KHDRBS3: variants seen among roughly 807,000 people sequenced by gnomAD.
KHDRBS3 encodes the protein KH RNA binding domain containing, signal transduction associated 3, also known as KH domain-containing, RNA-binding, signal transduction-associated protein 3.
In KHDRBS3, 23 loss-of-function variants were observed where a neutral mutation model predicts 45.6. The observed-to-expected ratio is 0.50, with a 90% confidence interval of 0.36 to 0.72. The LOEUF (loss-of-function observed/expected upper bound fraction) is 0.72, where lower values mean the gene tolerates loss of function less well. KHDRBS3 is among the 30% of genes least tolerant of loss of function. KHDRBS3 has a pLI of 0.00. For missense variants in KHDRBS3, 352 were observed against 424.8 expected (o/e 0.83, Z 1.51); for synonymous variants, 162 against 156.5 (o/e 1.04, Z -0.26).
chr8:135,483,458 G>A (rs917256465), intron 1 of KHDRBS3, among the ~76,000 whole-genome samples: 1 of 152,206 alleles, frequency 6.6e-6, no homozygotes, highest in South Asian at 2.1e-4. Flanking sequence ...TGTTGTCATG[G>A]TGGCTATGGG....
chr8:135,486,541 T>C (rs1322429491), intron 1 of KHDRBS3, among the ~76,000 whole-genome samples: 1 of 152,210 alleles, frequency 6.6e-6, no homozygotes, highest in Non-Finnish European at 1.5e-5. Flanking sequence ...TTAGAGAGGT[T>C]AAATAACTTG....
chr8:135,624,537 T>C (rs1830277478), intron 7 of KHDRBS3, among the ~76,000 whole-genome samples: 1 of 152,228 alleles, frequency 6.6e-6, no homozygotes, highest in South Asian at 2.1e-4. Context: ...TCCTCTGTTA[T>C]ATCCAGGCAA....
chr8:135,598,718 G>C (rs768198054), intron 6 of KHDRBS3, among the ~76,000 whole-genome samples: 1 of 152,114 alleles, frequency 6.6e-6, no homozygotes, highest in Non-Finnish European at 1.5e-5. Flanking sequence ...CATCGACCCG[G>C]ATACTATTAC....
At position 135,487,092 on chromosome 8, in the gene KHDRBS3, A is replaced by G. The variant is rs546293047; in HGVS notation, c.88+29138A>G. On this transcript the variant is annotated intron_variant, in intron 1 of 8. Transcript: ENST00000355849. ...CAGCATTCTATATCTTTTAAATGTC[A>G]TATATTCATTGTCTAAGTATATTTG... 1.6e-4 allele frequency among the ~76,000 whole-genome samples: 24 copies of G among 152,248 alleles called. No individual in the cohort carries two copies. The South Asian group carries it at 4.6e-3, about 29-fold the overall frequency.
intron 1 of KHDRBS3, among the ~76,000 whole-genome samples, chr8:135,484,693 C>T (rs1442015090): frequency 2.0e-5 from 3 of 152,218 alleles, no homozygotes; most frequent in African/African-American, 7.2e-5. Flanking sequence ...CACAGCTCCT[C>T]CTATAAGCTG....
intron 5 of KHDRBS3, among the ~76,000 whole-genome samples, chr8:135,567,256 C>G (rs1156378049): frequency 6.6e-6 from 1 of 151,806 alleles, no homozygotes; most frequent in Non-Finnish European, 1.5e-5. Context: ...AAAACTTCAT[C>G]CTAGATACAG....
At chr8:135,562,696 G>A (rs367558487) in intron 5 of KHDRBS3, among the ~76,000 whole-genome samples, 2 of 152,158 alleles carry the variant, frequency 1.3e-5, no homozygotes, top group Admixed American at 6.5e-5. Flanking sequence ...AAAAACGTAC[G>A]TATTACAACA....
chr8:135,465,297 GTCTAACACATAGTAGGTGCT>G (rs1182928095), intron 1 of KHDRBS3, among the ~76,000 whole-genome samples: 1 of 152,160 alleles, frequency 6.6e-6, no homozygotes, highest in Non-Finnish European at 1.5e-5. Context: ...TAAGTACAGT[GTCTAACACATAGTAGGTGCT>G]TAATAAACGT....
At position 135,632,885 on chromosome 8, in the gene KHDRBS3, C is replaced by T. The variant is rs371349517; in HGVS notation, c.891-12174C>T. Among the ~76,000 whole-genome samples the T allele has an allele frequency of 5.9e-5, 9 of 152,252 alleles. No homozygotes were observed. In the East Asian group the frequency reaches 7.8e-4, roughly 13 times the overall value. Reference sequence around the variant, plus strand: ...AGAATGTGTCCCCTGAAGAACTTGACATTTGATGGTCCCTCTGCCCACAGT... The same window carrying T: ...AGAATGTGTCCCCTGAAGAACTTGATATTTGATGGTCCCTCTGCCCACAGT... On this transcript the variant is annotated intron_variant, in intron 7 of 8. Coordinates refer to ENST00000355849, the MANE Select transcript of KHDRBS3 (RefSeq NM_006558.3).
downstream of KHDRBS3, chr8:135,648,074 C>T (rs561552602): frequency 6.6e-6 from 1 of 152,238 alleles, no homozygotes; most frequent in South Asian, 2.1e-4. Flanking sequence ...AGGTCGCACT[C>T]GCCAAGGCTG....
At chr8:135,643,535 A>G (rs1831154197) in intron 7 of KHDRBS3, among the ~76,000 whole-genome samples, 1 of 152,224 alleles carries the variant, frequency 6.6e-6, no homozygotes, top group Non-Finnish European at 1.5e-5. Flanking sequence ...TTCTGGCAGA[A>G]AGAGTAGCAA....
Position 135,557,539 on chromosome 8 carries a change from G to T in KHDRBS3, c.563G>T (p.Gly188Val). Reference protein sequence around the residue: ...SENADVPVVRGKPTLRTRGVP... With the variant: ...SENADVPVVRVKPTLRTRGVP... ...AATGCAGATGTTCCAGTGGTTCGAGGGAAACCCACCTTGCGTACAAGAGGT... is the reference window on the plus strand; with the variant it reads ...AATGCAGATGTTCCAGTGGTTCGAGTGAAACCCACCTTGCGTACAAGAGGT... The change falls in exon 5 of 9, where the codon GGG becomes GTG. Residue 188 changes from glycine to valine, a missense_variant. This residue lies in a region of KHDRBS3 where 212 missense variants were observed against 209.6 expected (regional missense o/e 1.01). Coordinates refer to ENST00000355849, the MANE Select transcript of KHDRBS3 (RefSeq NM_006558.3). The T allele has an allele frequency of 6.2e-7, 1 of 1,613,020 alleles. No homozygotes were observed. Among genetic ancestry groups the T allele is most frequent in the Non-Finnish European group, 8.5e-7 (1 of 1,179,020 alleles).
intron 1 of KHDRBS3, among the ~76,000 whole-genome samples, chr8:135,460,069 A>G (rs1164953700): frequency 2.0e-5 from 3 of 152,200 alleles, no homozygotes; most frequent in Admixed American, 6.5e-5. Context: ...CATTAATTAC[A>G]CGCTTATGTA....
intron 6 of KHDRBS3, among the ~76,000 whole-genome samples, chr8:135,585,814 G>A (rs994055322): frequency 6.6e-6 from 1 of 152,154 alleles, no homozygotes; most frequent in African/African-American, 2.4e-5. Flanking sequence ...CACATTGTAA[G>A]CACTTAGTAA....
chr8:135,515,450 C>T (rs1298407068), intron 1 of KHDRBS3, among the ~76,000 whole-genome samples: 1 of 132,188 alleles, frequency 7.6e-6, no homozygotes, highest in African/African-American at 2.7e-5. Flanking sequence ...TTATTGTTGT[C>T]GTTGTTGATT....
intron 7 of KHDRBS3, among the ~76,000 whole-genome samples, chr8:135,621,702 CA>C (rs1241373417): frequency 8.8e-5 from 6 of 67,852 alleles, no homozygotes; most frequent in African/African-American, 2.2e-4. Context: ...TGCAGAAGAG[CA>C]CAAAAAAAAA....
chr8:135,555,373 A>ATT (rs113293183), intron 4 of KHDRBS3, among the ~76,000 whole-genome samples: 1,480 of 141,052 alleles, frequency 0.01, 23 homozygotes, highest in African/African-American at 0.034. Context: ...AAACATTGAG[A>ATT]TTTTTTTTTT....
At chr8:135,569,170 A>G (rs1827573520) in intron 5 of KHDRBS3, among the ~76,000 whole-genome samples, 1 of 152,156 alleles carries the variant, frequency 6.6e-6, no homozygotes, top group Non-Finnish European at 1.5e-5. Flanking sequence ...GAATAGCAGA[A>G]TATTTTAGGA....
intron 1 of KHDRBS3, among the ~76,000 whole-genome samples, chr8:135,486,380 A>G (rs529664614): frequency 6.6e-6 from 1 of 152,314 alleles, no homozygotes; most frequent in East Asian, 1.9e-4. Context: ...TTTGTCTACA[A>G]GTAGTAGTAC....
Sources: allele counts gnomAD v4.1 joint callset (sites outside exome capture counted in the v4.1 genomes callset), GRCh38; gene constraint gnomAD v4.1.1; regional missense constraint gnomAD v4.1.1; transcripts MANE v1.5; gene names NCBI Gene and HGNC (gene_info 2026-07-23, HGNC 2026-07-21).